Variants in SPACA6 observed in about 807,000 individuals in gnomAD.
The protein encoded by SPACA6 is sperm acrosome membrane-associated protein 6.
For missense variants in SPACA6, 8 were observed against 2.8 expected (o/e 2.88, Z -1.34); for synonymous variants, 6 against 1.5 (o/e 4.05, Z -2.21).
downstream of SPACA6, among the ~76,000 whole-genome samples, chr19:51,706,153 C>T (rs1409367376): frequency 2.0e-5 from 3 of 152,154 alleles, no homozygotes; most frequent in Non-Finnish European, 2.9e-5. Context: ...AGCCTTGTCC[C>T]ATACCCCTTT....
At chr19:51,702,122 T>A (rs1600141995) in intron 3 of SPACA6, among the ~76,000 whole-genome samples, 2 of 152,032 alleles carry the variant, frequency 1.3e-5, no homozygotes, top group East Asian at 3.9e-4. Flanking sequence ...CCTGGCCCCA[T>A]CTCTGAGCCT....
chr19:51,692,880 G>A (rs1291149286), upstream of SPACA6: 1 of 533,754 alleles, frequency 1.9e-6, no homozygotes, highest in East Asian at 5.5e-5. This position sits in a 1 kb window ranked among gnomAD's most constrained non-coding sequence, Gnocchi z 5.6. Flanking sequence ...CCCTGCACGG[G>A]ACGGGGCCCG....
chr19:51,690,948 T>TCCCCACCTTGGCCTGACTCTCGC (rs2083365479), upstream of SPACA6, among the ~76,000 whole-genome samples: 1 of 151,122 alleles, frequency 6.6e-6, no homozygotes, highest in Admixed American at 6.6e-5. Context: ...TTCCCCTTCC[T>TCCCCACCTTGGCCTGACTCTCGC]CCCCACCTTG....
At chr19:51,694,434 G>T in intron 1 of SPACA6, 44 bp from the exon 2 acceptor site, 2 of 398,990 alleles carry the variant, frequency 5.0e-6, no homozygotes, top group Non-Finnish European at 8.8e-6. Flanking sequence ...ATGGTGTTGC[G>T]GGGAGCTGCC....
chr19:51,692,622 C>G (rs779007561), upstream of SPACA6: 3 of 530,888 alleles, frequency 5.7e-6, no homozygotes, highest in Non-Finnish European at 3.9e-6. This position sits in a 1 kb window ranked among gnomAD's most constrained non-coding sequence, Gnocchi z 5.6. Flanking sequence ...GGCACCCACC[C>G]GTAGAACCGA....
downstream of SPACA6, among the ~76,000 whole-genome samples, chr19:51,708,197 C>T (rs1233338472): frequency 6.6e-6 from 1 of 152,102 alleles, no homozygotes; most frequent in Non-Finnish European, 1.5e-5. Context: ...ATAGAACAAA[C>T]GATGCTGTTA....
upstream of SPACA6, among the ~76,000 whole-genome samples, chr19:51,691,167 C>G (rs539263192): frequency 6.7e-6 from 1 of 150,102 alleles, no homozygotes; most frequent in Non-Finnish European, 1.5e-5. Context: ...AGACCTGGCT[C>G]GAGCTGCGAG....
At chr19:51,683,879 G>T in the SPACA6 span, among the ~76,000 whole-genome samples, 1 of 152,138 alleles carries the variant, frequency 6.6e-6, no homozygotes, top group Admixed American at 6.5e-5. Flanking sequence ...GAGCCATCGG[G>T]CTTCAGAATC....
chr19:51,692,630 C>T (rs771967356), upstream of SPACA6: 1 of 531,008 alleles, frequency 1.9e-6, no homozygotes, highest in Non-Finnish European at 3.9e-6. This position sits in a 1 kb window ranked among gnomAD's most constrained non-coding sequence, Gnocchi z 5.6. Context: ...CCCGTAGAAC[C>T]GACCTTGCGG....
intron 3 of SPACA6, 174 bp downstream of exon 3, chr19:51,701,900 C>A: frequency 5.6e-6 from 2 of 358,634 alleles, no homozygotes; most frequent in Admixed American, 4.7e-5. Flanking sequence ...TGGTGATACC[C>A]ATATCTACTA....
chr19:51,712,947 G>A (rs1389764133), downstream of SPACA6, among the ~76,000 whole-genome samples: 1 of 152,040 alleles, frequency 6.6e-6, no homozygotes, highest in Non-Finnish European at 1.5e-5. Flanking sequence ...CACCAACCCT[G>A]CCCCAGGGGA....
At chr19:51,711,289 G>A (rs1299336808) in intron 2 of SPACA6, among the ~76,000 whole-genome samples, 1 of 152,136 alleles carries the variant, frequency 6.6e-6, no homozygotes, top group East Asian at 1.9e-4. Flanking sequence ...AGAGTTAATG[G>A]AAGTCAACAT....
At chr19:51,688,927 G>C (rs1366431533), upstream of SPACA6, among the ~76,000 whole-genome samples, 6 of 88,644 alleles carry the variant, frequency 6.8e-5, no homozygotes, top group Admixed American at 2.5e-4. Context: ...GAGAACGAGA[G>C]AGAAGGGAGG....
the SPACA6 span, among the ~76,000 whole-genome samples, chr19:51,683,955 T>C: frequency 1.3e-5 from 2 of 152,200 alleles, no homozygotes; most frequent in African/African-American, 4.8e-5. Context: ...ACAATATATA[T>C]GTGTACAAAT....
chr19:51,685,392 G>A (rs1012443558), upstream of SPACA6: 1 of 152,104 alleles, frequency 6.6e-6, no homozygotes, highest in African/African-American at 2.4e-5. Context: ...TTGTATTTTG[G>A]ACTATTTTCA....
upstream of SPACA6, chr19:51,692,785 C>T (rs1186941632): frequency 1.9e-6 from 1 of 534,536 alleles, no homozygotes; most frequent in Non-Finnish European, 3.8e-6. The surrounding 1 kb of genome is among the most constrained non-coding windows in gnomAD (Gnocchi z 5.6). Context: ...CTGCCGCGCC[C>T]CCCGGGCTGA....
Position 51,705,076 on chromosome 19 carries a change from CTT to C in SPACA6, c.942-12_942-11del. On this transcript the variant is annotated splice_polypyrimidine_tract_variant and intron_variant, in intron 8 of 8. Transcript: ENST00000637797. ...AACCCCTCCTGTAACACACATACCTCTTTGTTTCCCCAGGATGTTCTTTCGAT... is the reference window on the plus strand; with the variant it reads ...AACCCCTCCTGTAACACACATACCTCTGTTTCCCCAGGATGTTCTTTCGAT... 1 of 401,278 alleles carries C rather than the reference CTT, an allele frequency of 2.5e-6. No individual in the cohort carries two copies. Among genetic ancestry groups the C allele is most frequent in the Non-Finnish European group, 4.4e-6 (1 of 226,292 alleles). 24.9% of individuals were successfully genotyped at this position (401,278 alleles called of 1,614,324 possible).
At chr19:51,697,328 T>C (rs2083437438) in intron 2 of SPACA6, among the ~76,000 whole-genome samples, 1 of 152,114 alleles carries the variant, frequency 6.6e-6, no homozygotes, top group Non-Finnish European at 1.5e-5. Flanking sequence ...CGGCCCATGG[T>C]GGCTTGGACC....
chr19:51,705,509 C>T (rs545841073), downstream of SPACA6, among the ~76,000 whole-genome samples: 2 of 152,182 alleles, frequency 1.3e-5, no homozygotes, highest in African/African-American at 4.8e-5. Context: ...CTAACTTCTC[C>T]TCCACTTCCA....
Sources: allele counts gnomAD v4.1 joint callset (sites outside exome capture counted in the v4.1 genomes callset), GRCh38; gene constraint gnomAD v4.1.1; non-coding constraint Gnocchi (gnomAD v3.1); transcripts MANE v1.5; gene names NCBI Gene and HGNC (gene_info 2026-07-23, HGNC 2026-07-21).